Variants in ARSF observed in about 807,000 individuals in gnomAD.
ARSF encodes arylsulfatase F.
A neutral mutation model predicts 35.4 loss-of-function variants in ARSF; 33 were observed. The observed-to-expected ratio is 0.93, with a 90% CI of 0.71 to 1.25. The LOEUF (loss-of-function observed/expected upper bound fraction) is 1.25. ARSF is among the 50% of genes most tolerant of loss of function. The pLI is 0.00. For synonymous variants in ARSF, 222 were observed against 193.1 expected (o/e 1.15, Z -1.24); for missense variants, 501 against 480.2 (o/e 1.04, Z -0.40).
chrX:3,094,839 T>C (rs1202051564), intron 7 of ARSF, among the ~76,000 whole-genome samples: 1 of 109,477 alleles, frequency 9.1e-6, no homozygotes. Flanking sequence ...TTGAGACACA[T>C]ATATAAAATA....
At position 3,068,557 on chromosome X, in the gene ARSF, C is replaced by T. The variant is rs151049051; in HGVS notation, c.11+446C>T. Among the ~76,000 whole-genome samples, 474 of 110,881 alleles carry T rather than the reference C, an allele frequency of 4.3e-3. 1 individual carries two copies. The highest frequency in any genetic ancestry group is 0.025 in the South Asian group (64 of 2,591). Reference sequence around the variant, plus strand: ...GCCTCAGCCTCCAGAGTAGCTGGGACCTCAGGTGCTTATCGCCACGCCCAG... The same window carrying T: ...GCCTCAGCCTCCAGAGTAGCTGGGATCTCAGGTGCTTATCGCCACGCCCAG... On this transcript the variant is annotated intron_variant, in intron 2 of 10. Coordinates refer to ENST00000381127, the MANE Select transcript of ARSF (RefSeq NM_001201539.2).
intron 1 of ARSF, among the ~76,000 whole-genome samples, chrX:3,054,692 G>A (rs1345398360): frequency 1.8e-5 from 2 of 109,569 alleles, no homozygotes; most frequent in Non-Finnish European, 3.8e-5. Context: ...GTTTAGATAA[G>A]GTGGAAATAA....
At chrX:3,088,890 C>A (rs752958548) in intron 6 of ARSF, among the ~76,000 whole-genome samples, 12 of 110,997 alleles carry the variant, frequency 1.1e-4, no homozygotes, top group Middle Eastern at 4.6e-3. Context: ...GAGTTCTGGG[C>A]TGGATTTTTT....
intron 2 of ARSF, among the ~76,000 whole-genome samples, chrX:3,069,490 A>C (rs1484662368): frequency 9.3e-6 from 1 of 107,469 alleles, no homozygotes; most frequent in Non-Finnish European, 1.9e-5. Flanking sequence ...CACCCAGTTC[A>C]TTTTTACATT....
chrX:3,054,986 A>G (rs2090011960), intron 1 of ARSF, among the ~76,000 whole-genome samples: 1 of 107,531 alleles, frequency 9.3e-6, no homozygotes, highest in South Asian at 4.2e-4. Flanking sequence ...TACCCACTTC[A>G]GCCTCCCAAA....
At chrX:3,060,135 T>C (rs2090035707) in intron 1 of ARSF, among the ~76,000 whole-genome samples, 1 of 112,220 alleles carries the variant, frequency 8.9e-6, no homozygotes, top group Non-Finnish European at 1.9e-5. Flanking sequence ...ATATTTGCTG[T>C]TCTGCAGCCT....
chrX:3,070,775 G>A (rs146229716), intron 2 of ARSF, among the ~76,000 whole-genome samples: 2,208 of 110,928 alleles, frequency 0.02, 23 homozygotes, highest in Middle Eastern at 0.07. Context: ...TCATTCTTAT[G>A]CCTTTGCAGC....
chrX:3,084,525 G>A lies in ARSF; in HGVS notation c.689G>A (p.Gly230Asp), dbSNP rs368261230. 1,208 of 1,209,262 alleles carry A rather than the reference G, an allele frequency of 1.0e-3. 24 individuals carry two copies. In the South Asian group the frequency reaches 0.02, roughly 20 times the overall value. ...FSMILFIFLLGYAWFSSHTSP... is the reference protein window; with the variant it reads ...FSMILFIFLLDYAWFSSHTSP... Reference sequence around the variant, plus strand: ...ATGATTCTGTTTATTTTCCTCTTGGGCTATGCTTGGTTCTCCAGCCACACG... The same window carrying A: ...ATGATTCTGTTTATTTTCCTCTTGGACTATGCTTGGTTCTCCAGCCACACG... Residue 230 changes from glycine to aspartate, a missense_variant, in exon 6 of 11, where the codon GGC (glycine) becomes GAC (aspartate). Transcript: ENST00000381127.
intron 9 of ARSF, among the ~76,000 whole-genome samples, chrX:3,106,305 T>A (rs2090410853): frequency 8.9e-6 from 1 of 112,260 alleles, no homozygotes; most frequent in Admixed American, 9.5e-5. Context: ...GTACTACTCA[T>A]CAGGTTGATT....
At chrX:3,044,733 G>A (rs1258077246) in intron 1 of ARSF, among the ~76,000 whole-genome samples, 1 of 109,259 alleles carries the variant, frequency 9.2e-6, no homozygotes, top group African/African-American at 3.3e-5. Flanking sequence ...TATCCCTGCC[G>A]GTCAGCTGCT....
chrX:3,046,230 G>A (rs1318259073), intron 1 of ARSF, among the ~76,000 whole-genome samples: 1 of 111,464 alleles, frequency 9.0e-6, no homozygotes, highest in Non-Finnish European at 1.9e-5. Context: ...AAGGGAAGAC[G>A]GAGCCTCCAT....
chrX:3,056,985 C>T (rs753475713), intron 1 of ARSF, among the ~76,000 whole-genome samples: 2 of 111,264 alleles, frequency 1.8e-5, no homozygotes, highest in South Asian at 3.8e-4. Context: ...CATTGTGACT[C>T]CAAAGTCTAC....
intron 1 of ARSF, among the ~76,000 whole-genome samples, chrX:3,043,042 C>T (rs764144401): frequency 9.1e-6 from 1 of 110,047 alleles, no homozygotes; most frequent in East Asian, 2.9e-4. Context: ...GTAATCCCAG[C>T]TACTCAGGAG....
chrX:3,104,991 G>C, intron 9 of ARSF, among the ~76,000 whole-genome samples: 1 of 111,658 alleles, frequency 9.0e-6, no homozygotes. Flanking sequence ...ATACTACATT[G>C]CTCCATTCCC....
intron 8 of ARSF, among the ~76,000 whole-genome samples, chrX:3,102,478 G>A (rs1175808003): frequency 8.9e-6 from 1 of 112,538 alleles, no homozygotes; most frequent in African/African-American, 3.2e-5. Flanking sequence ...TTATGGCTGA[G>A]TAGAATTCCA....
At chrX:3,078,804 G>A (rs1468522718) in intron 4 of ARSF, among the ~76,000 whole-genome samples, 1 of 111,350 alleles carries the variant, frequency 9.0e-6, no homozygotes, top group African/African-American at 3.3e-5. Flanking sequence ...CTGGCCAAAA[G>A]TAGCTATTTT....
rs148978750 is a variant in ARSF at position 3,078,573 on chromosome X, C to T, written c.283+1904C>T. Among the ~76,000 whole-genome samples the T allele has an allele frequency of 2.8e-3, 307 of 111,257 alleles. 1 individual carries two copies. The highest frequency in any genetic ancestry group is 9.5e-3 in the African/African-American group (292 of 30,598). On this transcript the variant is annotated intron_variant, in intron 4 of 10. Transcript: ENST00000381127. ...GAAGTGCAGTGTCACAATCTCAGCT[C>T]ATCACAGCCTCAAACTCCAGGGCTC... is the stretch of plus-strand genomic sequence containing the variant.
At position 3,089,637 on chromosome X, in the gene ARSF, G is replaced by C; in HGVS notation, c.967+5G>C. 8.3e-7 allele frequency: 1 copy of C among 1,210,465 alleles called. No homozygotes were observed. The highest frequency in any genetic ancestry group is 1.1e-6 in the Non-Finnish European group (1 of 894,627). Reference sequence around the variant, plus strand: ...AAGAGATGGACTCCATGGTGGGTAAGTCACAGGACTTAAGTGGACAGAAAC... The same window carrying C: ...AAGAGATGGACTCCATGGTGGGTAACTCACAGGACTTAAGTGGACAGAAAC... On this transcript the variant is annotated splice_donor_5th_base_variant and intron_variant, in intron 7 of 10. Transcript: ENST00000381127.
chrX:3,052,316 C>G (rs960190440), intron 1 of ARSF, among the ~76,000 whole-genome samples: 1 of 112,051 alleles, frequency 8.9e-6, no homozygotes, highest in Non-Finnish European at 1.9e-5. Flanking sequence ...TTGTCAAATT[C>G]AAACACTTGC....
Sources: gnomAD v4.1 joint callset for allele counts (sites outside exome capture counted in the v4.1 genomes callset) on GRCh38, gnomAD v4.1.1 for gene constraint, MANE v1.5 for transcripts, NCBI Gene and HGNC (gene_info 2026-07-23, HGNC 2026-07-21) for gene names.